MICAL2: variants seen among roughly 807,000 people sequenced by gnomAD.
MICAL2 encodes microtubule associated monooxygenase, calponin and LIM domain containing 2.
MICAL2 carries 77 observed loss-of-function variants against 127.3 expected under a neutral mutation model. That is an observed-to-expected ratio of 0.60 (90% CI 0.50 to 0.73). The LOEUF is 0.73. Ranked by LOEUF, MICAL2 falls within the 30% of genes least tolerant of loss-of-function variation. The pLI, the probability that MICAL2 is intolerant of heterozygous loss-of-function variation, is 0.00. For missense variants in MICAL2, 1,351 were observed against 1,434.4 expected (o/e 0.94, Z 0.94); for synonymous variants, 570 against 551.1 (o/e 1.03, Z -0.48).
intron 29 of MICAL2, among the ~76,000 whole-genome samples, chr11:12,318,017 G>C (rs1864249949): frequency 6.6e-6 from 1 of 152,114 alleles, no homozygotes; most frequent in Non-Finnish European, 1.5e-5. Flanking sequence ...ATAAACAAAG[G>C]CTAAATAGGC....
At chr11:12,293,495 G>A, downstream of MICAL2, 3 of 1,505,786 alleles carry the variant, frequency 2.0e-6, no homozygotes, top group Non-Finnish European at 2.7e-6. Context: ...ATTGAGATTT[G>A]CTTTCATCAT....
At chr11:12,113,738 G>A (rs986978755) in intron 1 of MICAL2, among the ~76,000 whole-genome samples, 20 of 151,740 alleles carry the variant, frequency 1.3e-4, no homozygotes, top group South Asian at 2.1e-4. Flanking sequence ...AAACTTAATC[G>A]CTCCTGTATG....
intron 29 of MICAL2, among the ~76,000 whole-genome samples, chr11:12,308,496 CT>C (rs1565301019): frequency 6.6e-6 from 1 of 152,072 alleles, no homozygotes; most frequent in Non-Finnish European, 1.5e-5. Flanking sequence ...TTAAATTTAT[CT>C]TTTAACTATT....
chr11:12,222,540 G>C (rs769913749), intron 10 of MICAL2, 77 bp from the exon 11 acceptor site: 101 of 1,585,608 alleles, frequency 6.4e-5, no homozygotes, highest in Non-Finnish European at 8.1e-5. Context: ...CAGAGGAAGG[G>C]GGAAGTAGGG....
chr11:12,352,405 T>G (rs957639526), intron 33 of MICAL2, among the ~76,000 whole-genome samples: 7 of 152,186 alleles, frequency 4.6e-5, no homozygotes, highest in African/African-American at 1.7e-4. Context: ...TAAGAAAACT[T>G]AGAAGAGCTC....
chr11:12,160,479 G>A (rs546487348), intron 2 of MICAL2, among the ~76,000 whole-genome samples: 1 of 152,078 alleles, frequency 6.6e-6, no homozygotes, highest in East Asian at 1.9e-4. Flanking sequence ...CACCACGTGC[G>A]CTGGACATCC....
intron 33 of MICAL2, chr11:12,350,034 C>A: frequency 3.5e-6 from 3 of 862,980 alleles, no homozygotes; most frequent in South Asian, 3.1e-5. Flanking sequence ...ACTTTTTCTC[C>A]TTGTGCATAC....
intron 32 of MICAL2, among the ~76,000 whole-genome samples, chr11:12,339,979 G>A (rs967182167): frequency 1.3e-5 from 2 of 152,112 alleles, no homozygotes; most frequent in African/African-American, 4.8e-5. Flanking sequence ...AAGCTCAGTT[G>A]GAAATGCAGA....
chr11:12,224,765 T>G lies in MICAL2; in HGVS notation c.1633T>G (p.Trp545Gly). The change falls in exon 13 of 28, where the codon TGG becomes GGG. Residue 545 changes from tryptophan (W) to glycine (G), a missense_variant. By Grantham distance (184) the Trp-to-Gly change is radical. This residue lies in a region of MICAL2 where 599 missense variants were observed against 714.9 expected (regional missense o/e 0.84). Coordinates refer to ENST00000683283, the MANE Select transcript of MICAL2 (RefSeq NM_001282663.2). ...CAACGTCACCGACCTGACCACATCC[T>G]GGCGCAGTGGGTTGGCCCTGTGTGC... Reference protein sequence around the residue: ...HVNVTDLTTSWRSGLALCAII... With the variant: ...HVNVTDLTTSGRSGLALCAII... 1.2e-6 allele frequency: 2 copies of G among 1,614,218 alleles called. No individual in the cohort carries two copies. The highest frequency in any genetic ancestry group is 1.7e-6 in the Non-Finnish European group (2 of 1,180,032).
intron 4 of MICAL2, among the ~76,000 whole-genome samples, chr11:12,207,206 A>G (rs778650812): frequency 6.7e-6 from 1 of 149,144 alleles, no homozygotes; most frequent in Non-Finnish European, 1.5e-5. Context: ...TACCACCATC[A>G]CCCTCCCCCA....
intron 16 of MICAL2, among the ~76,000 whole-genome samples, chr11:12,236,510 T>G (rs938795913): frequency 6.6e-6 from 1 of 152,204 alleles, no homozygotes; most frequent in Non-Finnish European, 1.5e-5. Flanking sequence ...ACATGAAACT[T>G]GGCAGGACTT....
At chr11:12,297,415 G>A (rs192645510) in intron 29 of MICAL2, among the ~76,000 whole-genome samples, 224 of 152,132 alleles carry the variant, frequency 1.5e-3, no homozygotes, top group African/African-American at 5.2e-3. Flanking sequence ...TTATCAAAAG[G>A]GAAATTTAAC....
At chr11:12,347,971 T>C (rs926021707) in intron 32 of MICAL2, among the ~76,000 whole-genome samples, 1 of 152,050 alleles carries the variant, frequency 6.6e-6, no homozygotes, top group African/African-American at 2.4e-5. Flanking sequence ...CTGGCCAACG[T>C]GGTGAAACCC....
At chr11:12,273,652 G>C (rs907524268), upstream of MICAL2, among the ~76,000 whole-genome samples, 4 of 151,894 alleles carry the variant, frequency 2.6e-5, no homozygotes, top group Non-Finnish European at 5.9e-5. Context: ...TTTGGGAAGA[G>C]ATTGTATCTC....
intron 4 of MICAL2, among the ~76,000 whole-genome samples, chr11:12,206,220 C>T (rs1213624362): frequency 2.0e-5 from 3 of 152,190 alleles, no homozygotes; most frequent in African/African-American, 7.2e-5. Context: ...GGGGGCAGAA[C>T]TGGGTACCAG....
At chr11:12,342,039 G>T (rs957233883) in intron 32 of MICAL2, among the ~76,000 whole-genome samples, 2 of 152,168 alleles carry the variant, frequency 1.3e-5, no homozygotes, top group Non-Finnish European at 2.9e-5. Context: ...TTTCACCTCA[G>T]CAAGTGGGAT....
intron 26 of MICAL2, chr11:12,261,077 T>C (rs1189212436): frequency 5.1e-6 from 5 of 985,416 alleles, no homozygotes; most frequent in Non-Finnish European, 6.0e-6. Flanking sequence ...GCAGGGTCCA[T>C]ATTGGTCAGG....
chr11:12,234,808 C>A (rs534846454), intron 15 of MICAL2, among the ~76,000 whole-genome samples: 60 of 152,148 alleles, frequency 3.9e-4, no homozygotes, highest in Non-Finnish European at 6.6e-4. Context: ...GCACCCGTAG[C>A]TAGGGTTGTT....
intron 3 of MICAL2, among the ~76,000 whole-genome samples, chr11:12,180,139 A>G (rs1239520894): frequency 6.6e-6 from 1 of 152,054 alleles, no homozygotes; most frequent in African/African-American, 2.4e-5. Context: ...CCTTGGGGTT[A>G]GCAAAGACCG....
Sources: gnomAD v4.1 joint callset for allele counts (sites outside exome capture counted in the v4.1 genomes callset) on GRCh38, gnomAD v4.1.1 for gene constraint, gnomAD v4.1.1 regional missense constraint, MANE v1.5 for transcripts, NCBI Gene and HGNC (gene_info 2026-07-23, HGNC 2026-07-21) for gene names.